Variants in SOX5 observed in about 807,000 individuals in gnomAD.
SOX5 encodes SRY-box transcription factor 5.
SOX5 carries 9 observed loss-of-function variants against 92.0 expected under a neutral mutation model. That is an observed-to-expected ratio of 0.10 (90% confidence interval 0.06 to 0.17). The LOEUF (loss-of-function observed/expected upper bound fraction) is 0.17, where lower values mean the gene tolerates loss of function less well. Ranked by LOEUF, SOX5 falls within the 10% of genes least tolerant of loss-of-function variation. The probability of loss-of-function intolerance (pLI) is 1.00; values close to 1 mark genes in which losing one functional copy is unlikely to be tolerated. For synonymous variants in SOX5, 344 were observed against 336.3 expected, an observed-to-expected ratio of 1.02 and a Z score of -0.25; for missense variants, 642 against 944.5, an observed-to-expected ratio of 0.68 and a Z score of 4.20.
At chr12:23,957,932 C>A (rs528005293) in intron 4 of SOX5, among the ~76,000 whole-genome samples, 134 of 152,060 alleles carry the variant, frequency 8.8e-4, no homozygotes, top group Admixed American at 4.1e-3. Context: ...TGCCCTGATG[C>A]TGAAGAACTG....
chr12:23,928,209 A>G (rs566868639), intron 1 of SOX5, among the ~76,000 whole-genome samples: 1 of 152,218 alleles, frequency 6.6e-6, no homozygotes, highest in African/African-American at 2.4e-5. Context: ...GGTACCAGGA[A>G]AAACATAGGA....
chr12:24,345,198 C>T (rs1457360611), intron 2 of SOX5, among the ~76,000 whole-genome samples: 1 of 152,148 alleles, frequency 6.6e-6, no homozygotes, highest in Non-Finnish European at 1.5e-5. Context: ...AATAAATTCA[C>T]TGTAATGTAT....
At chr12:24,409,971 C>T (rs562598785) in intron 1 of SOX5, among the ~76,000 whole-genome samples, 19 of 151,028 alleles carry the variant, frequency 1.3e-4, no homozygotes, top group African/African-American at 3.4e-4. Context: ...CTTGGCTTTT[C>T]GTCCTTTCAA....
At chr12:23,867,766 C>G (rs886160255) in intron 2 of SOX5, among the ~76,000 whole-genome samples, 1 of 150,908 alleles carries the variant, frequency 6.6e-6, no homozygotes, top group African/African-American at 2.4e-5. Flanking sequence ...ATGCCTCTTA[C>G]TTTGAAAAGC....
chr12:23,784,507 T>C (rs1045074627), intron 3 of SOX5, among the ~76,000 whole-genome samples: 2 of 152,042 alleles, frequency 1.3e-5, no homozygotes, highest in African/African-American at 2.4e-5. Context: ...TTTGTATTTT[T>C]AGTAGAGACA....
chr12:24,320,871 A>AAAATAAT (rs1212859434), intron 2 of SOX5, among the ~76,000 whole-genome samples: 2 of 148,300 alleles, frequency 1.3e-5, no homozygotes, highest in East Asian at 2.0e-4. Context: ...TCTCAAAAAA[A>AAAATAAT]AATAATAATA....
In SOX5 at chr12:24,464,323, A is replaced by AT. The variant is rs11332671; in HGVS notation, c.-250-95685dup. On this transcript the variant is annotated intron_variant, in intron 1 of 4. Transcript: ENST00000446891. Reference sequence around the variant, plus strand: ...CTACCACTACTTCTAGTGAGAGTTAATTTTTTTTTTTTTTTTTGAGACGGA... The same window carrying AT: ...CTACCACTACTTCTAGTGAGAGTTAATTTTTTTTTTTTTTTTTTGAGACGGA... Among the ~76,000 whole-genome samples the AT allele has an allele frequency of 8.0e-3, 1,113 of 138,736 alleles. 3 individuals are homozygous for AT. Among genetic ancestry groups the AT allele is most frequent in the South Asian group, 0.011 (46 of 4,314 alleles). The allele number at this position is 138,736 out of a possible 152,430, so 91.0% of individuals were successfully genotyped here.
At chr12:24,315,759 G>A (rs1949637709) in intron 2 of SOX5, among the ~76,000 whole-genome samples, 2 of 152,148 alleles carry the variant, frequency 1.3e-5, no homozygotes, top group South Asian at 4.1e-4. Flanking sequence ...AATATAAAGG[G>A]AAAGTAGTTC....
At chr12:24,442,176 A>C (rs1252366503) in intron 1 of SOX5, among the ~76,000 whole-genome samples, 3 of 152,212 alleles carry the variant, frequency 2.0e-5, no homozygotes, top group Non-Finnish European at 1.5e-5. Flanking sequence ...TAAAAGAGGC[A>C]AATTTTTGTA....
At chr12:24,248,106 ATGAT>A (rs1413788694) in intron 3 of SOX5, among the ~76,000 whole-genome samples, 1 of 152,226 alleles carries the variant, frequency 6.6e-6, no homozygotes, top group Non-Finnish European at 1.5e-5. Context: ...CAGAAAATAA[ATGAT>A]TGAGAAGGTT....
intron 4 of SOX5, among the ~76,000 whole-genome samples, chr12:24,098,976 A>G (rs568035560): frequency 1.3e-5 from 2 of 152,154 alleles, no homozygotes; most frequent in Non-Finnish European, 2.9e-5. Context: ...TTCTGGAATC[A>G]TTCTTGATCT....
At chr12:24,417,645 A>G (rs1965243630) in intron 1 of SOX5, among the ~76,000 whole-genome samples, 1 of 152,238 alleles carries the variant, frequency 6.6e-6, no homozygotes. Flanking sequence ...TCACTAGAAG[A>G]AAGACCTTCA....
At chr12:23,950,645 C>A (rs1455355524), upstream of SOX5, among the ~76,000 whole-genome samples, 1 of 152,168 alleles carries the variant, frequency 6.6e-6, no homozygotes, top group Non-Finnish European at 1.5e-5. Flanking sequence ...GTAGGAAGCG[C>A]CCCCCTGGCT....
At chr12:23,960,617 G>A (rs4547198) in intron 4 of SOX5, among the ~76,000 whole-genome samples, 83,169 of 148,118 alleles carry the variant, frequency 0.56, 23,720 homozygotes, top group East Asian at 0.78. Context: ...ACAACAACAC[G>A]ATGGAATACT....
intron 1 of SOX5, among the ~76,000 whole-genome samples, chr12:24,453,039 T>C (rs1050750427): frequency 6.6e-6 from 1 of 152,206 alleles, no homozygotes. Flanking sequence ...AGTACCTTCT[T>C]CTTATATTTT....
chr12:24,461,645 G>C (rs958549303), intron 1 of SOX5, among the ~76,000 whole-genome samples: 2 of 151,950 alleles, frequency 1.3e-5, no homozygotes, highest in African/African-American at 2.4e-5. Context: ...ACTTTGTCTT[G>C]GGTATTATGT....
intron 3 of SOX5, among the ~76,000 whole-genome samples, chr12:23,806,582 T>TACA (rs2095776947): frequency 1.4e-5 from 1 of 70,456 alleles, no homozygotes; most frequent in African/African-American, 5.5e-5. Flanking sequence ...CTTTTTCCAC[T>TACA]AAAAAAAAAA....
chr12:24,485,277 A>G (rs1172575326), intron 1 of SOX5, among the ~76,000 whole-genome samples: 1 of 152,234 alleles, frequency 6.6e-6, no homozygotes, highest in African/African-American at 2.4e-5. Flanking sequence ...TTCAACTTAT[A>G]TAAATAATTG....
chr12:24,225,755 C>A (rs1031082083), intron 3 of SOX5, among the ~76,000 whole-genome samples: 35 of 152,204 alleles, frequency 2.3e-4, no homozygotes, highest in African/African-American at 8.2e-4. Flanking sequence ...TACAAACTGG[C>A]AAATAATTTG....
Sources: gnomAD v4.1 joint callset for allele counts (sites outside exome capture counted in the v4.1 genomes callset) on GRCh38, gnomAD v4.1.1 for gene constraint, MANE v1.5 for transcripts, NCBI Gene and HGNC (gene_info 2026-07-23, HGNC 2026-07-21) for gene names.